The following SNX24 variants were observed in gnomAD, a reference collection of about 807,000 sequenced individuals.
The protein encoded by SNX24 is sorting nexin-24.
A neutral mutation model predicts 28.7 loss-of-function variants in SNX24; 22 were observed. The observed-to-expected ratio is 0.77, with a 90% CI of 0.55 to 1.10. SNX24 has a LOEUF of 1.10. SNX24 is among the 50% of genes least tolerant of loss of function. SNX24 has a pLI of 0.00. For missense variants in SNX24, 221 were observed against 201.1 expected (o/e 1.10, Z -0.60); for synonymous variants, 69 against 71.5 (o/e 0.96, Z 0.18).
chr5:122,889,463 A>G (rs952817514), intron 1 of SNX24, among the ~76,000 whole-genome samples: 1 of 151,896 alleles, frequency 6.6e-6, no homozygotes, highest in African/African-American at 2.4e-5. Context: ...TCATTGAAAC[A>G]TTTCAGATTT....
intron 3 of SNX24, among the ~76,000 whole-genome samples, chr5:122,984,470 C>T (rs571741647): frequency 1.7e-4 from 26 of 152,324 alleles, no homozygotes; most frequent in African/African-American, 5.8e-4. Context: ...CTTGTACTCT[C>T]CTGCTCAAAC....
intron 2 of SNX24, among the ~76,000 whole-genome samples, chr5:122,940,897 C>T (rs1246064461): frequency 1.3e-5 from 2 of 152,156 alleles, no homozygotes; most frequent in South Asian, 2.1e-4. Context: ...CTGACTGTAG[C>T]TGAGTCTTTT....
chr5:122,977,774 T>C (rs938708608), intron 3 of SNX24, among the ~76,000 whole-genome samples: 7 of 152,248 alleles, frequency 4.6e-5, no homozygotes, highest in African/African-American at 1.7e-4. Flanking sequence ...GAATTAGGTA[T>C]ACTTCTAAGA....
intron 5 of SNX24, chr5:123,028,488 T>C (rs1350742638): frequency 6.7e-6 from 2 of 299,890 alleles, no homozygotes; most frequent in Admixed American, 5.0e-5. Flanking sequence ...TTTTTCTGTA[T>C]GGCTACTGAC....
At chr5:122,918,669 A>G (rs758273012) in intron 1 of SNX24, among the ~76,000 whole-genome samples, 5 of 152,202 alleles carry the variant, frequency 3.3e-5, no homozygotes, top group Non-Finnish European at 7.3e-5. Flanking sequence ...TTAGAGCTCA[A>G]AGAGTATGTG....
Position 122,877,903 on chromosome 5 carries a change from G to T in SNX24, c.60+32210G>T, listed in dbSNP as rs926705307. Among the ~76,000 whole-genome samples the T allele has an allele frequency of 2.6e-5, 4 of 152,230 alleles. No individual in the cohort carries two copies. In the East Asian group the frequency reaches 5.8e-4, roughly 22 times the overall value. On this transcript the variant is annotated intron_variant, in intron 1 of 6. Transcript: ENST00000261369. ...GGTGGTCCTGCTCCTATGGACAGGA[G>T]CCCTCAGGCCATGCTTTGAAAGATG...
At chr5:123,002,091 G>T in intron 6 of SNX24, 87 bp downstream of exon 6, 2 of 1,019,026 alleles carry the variant, frequency 2.0e-6, no homozygotes, top group Non-Finnish European at 3.1e-6. Context: ...GTCTAACAGA[G>T]TGACATTGGT....
At chr5:122,886,151 C>T (rs1006581018) in intron 1 of SNX24, among the ~76,000 whole-genome samples, 7 of 152,144 alleles carry the variant, frequency 4.6e-5, no homozygotes, top group Admixed American at 3.3e-4. Flanking sequence ...GATGCTACAG[C>T]TTCGTGATGA....
intron 1 of SNX24, among the ~76,000 whole-genome samples, chr5:122,894,718 G>T (rs907511481): frequency 6.6e-6 from 1 of 152,200 alleles, no homozygotes; most frequent in East Asian, 1.9e-4. Context: ...ACTGCTTCTG[G>T]TAAGGGATGG....
chr5:122,943,390 CCA>C (rs1464962064), intron 2 of SNX24, among the ~76,000 whole-genome samples: 1 of 152,134 alleles, frequency 6.6e-6, no homozygotes, highest in Non-Finnish European at 1.5e-5. Context: ...TCTCTGTACC[CCA>C]CGTTACTGAC....
chr5:122,954,555 TG>T (rs1760122233), intron 3 of SNX24, among the ~76,000 whole-genome samples: 2 of 152,040 alleles, frequency 1.3e-5, no homozygotes, highest in Admixed American at 6.6e-5. Flanking sequence ...TGTTTATATT[TG>T]TTTTTTTAAT....
intron 1 of SNX24, among the ~76,000 whole-genome samples, chr5:122,855,989 G>T (rs186246738): frequency 1.3e-5 from 2 of 152,094 alleles, no homozygotes; most frequent in African/African-American, 4.8e-5. Flanking sequence ...TTTTAGGTTC[G>T]GGGGTACATG....
At chr5:122,967,138 T>C (rs1238007869) in intron 3 of SNX24, among the ~76,000 whole-genome samples, 1 of 152,202 alleles carries the variant, frequency 6.6e-6, no homozygotes, top group African/African-American at 2.4e-5. Flanking sequence ...TTTTACCCAC[T>C]CACGCATTCA....
chr5:123,010,073 A>G (rs1485010737), downstream of SNX24, among the ~76,000 whole-genome samples: 1 of 152,222 alleles, frequency 6.6e-6, no homozygotes, highest in East Asian at 1.9e-4. Flanking sequence ...CTGGGCCTGC[A>G]TCACAATTGC....
intron 3 of SNX24, among the ~76,000 whole-genome samples, chr5:122,987,139 G>A (rs148687610): frequency 1.6e-3 from 246 of 152,220 alleles, no homozygotes; most frequent in African/African-American, 5.4e-3. Flanking sequence ...AGTGTGAAGC[G>A]TGGTTATCAG....
chr5:122,853,775 A>T (rs1321762840), intron 1 of SNX24: 5 of 312,580 alleles, frequency 1.6e-5, no homozygotes, highest in Non-Finnish European at 3.3e-5. Context: ...GCCGTAAGCC[A>T]CTGTGCCTGC....
At chr5:122,917,114 A>G (rs1457601531) in intron 1 of SNX24, among the ~76,000 whole-genome samples, 1 of 152,076 alleles carries the variant, frequency 6.6e-6, no homozygotes, top group African/African-American at 2.4e-5. Context: ...TAAAAATACA[A>G]AAATTAGCCG....
At chr5:123,016,591 C>T (rs914598152) in intron 5 of SNX24, among the ~76,000 whole-genome samples, 1 of 152,120 alleles carries the variant, frequency 6.6e-6, no homozygotes, top group African/African-American at 2.4e-5. Context: ...AGCAGAGAGA[C>T]TTAGGAGGCC....
downstream of SNX24, among the ~76,000 whole-genome samples, chr5:123,010,131 G>T (rs1455289279): frequency 2.0e-5 from 3 of 152,106 alleles, no homozygotes; most frequent in Non-Finnish European, 4.4e-5. Flanking sequence ...GCCCAAAGTG[G>T]CAGGAGGATG....
Sources: gnomAD v4.1 joint callset for allele counts (sites outside exome capture counted in the v4.1 genomes callset) on GRCh38, gnomAD v4.1.1 for gene constraint, MANE v1.5 for transcripts, NCBI Gene and HGNC (gene_info 2026-07-23, HGNC 2026-07-21) for gene names.